The following LMNTD1 variants were observed in gnomAD, a reference collection of about 807,000 sequenced individuals.
LMNTD1 encodes the protein lamin tail domain-containing protein 1.
Under a neutral mutation model 50.9 loss-of-function variants are expected in LMNTD1, and 35 were observed. The ratio of observed to expected loss-of-function variants is 0.69; its 90% CI spans 0.53 to 0.91. The LOEUF is 0.91. Among genes scored for constraint, LMNTD1 ranks in the 40% least tolerant of loss-of-function variants. The pLI is 0.00. For missense variants in LMNTD1, 470 were observed against 475.5 expected, an observed-to-expected ratio of 0.99 and a Z score of 0.11; for synonymous variants, 153 against 161.9, an observed-to-expected ratio of 0.94 and a Z score of 0.42.
At chr12:25,640,536 G>T (rs1218171719) in intron 1 of LMNTD1, among the ~76,000 whole-genome samples, 1 of 151,746 alleles carries the variant, frequency 6.6e-6, no homozygotes, top group Non-Finnish European at 1.5e-5. Context: ...TTATATTGTG[G>T]TGATCACATA....
intron 1 of LMNTD1, among the ~76,000 whole-genome samples, chr12:25,630,360 T>C (rs1169312414): frequency 1.3e-5 from 2 of 152,032 alleles, no homozygotes; most frequent in African/African-American, 4.8e-5. Flanking sequence ...CAGAGCAGCA[T>C]GTGGAGGTTC....
At chr12:25,634,394 A>G (rs1344903865) in intron 1 of LMNTD1, among the ~76,000 whole-genome samples, 1 of 152,194 alleles carries the variant, frequency 6.6e-6, no homozygotes, top group African/African-American at 2.4e-5. Context: ...AAAGAAAACT[A>G]CAGACCGATA....
At chr12:25,576,010 G>A (rs984460523) in intron 1 of LMNTD1, among the ~76,000 whole-genome samples, 1 of 152,180 alleles carries the variant, frequency 6.6e-6, no homozygotes, top group Non-Finnish European at 1.5e-5. Context: ...TCCCTACAAA[G>A]GGCAGGAACT....
intron 8 of LMNTD1, among the ~76,000 whole-genome samples, chr12:25,505,494 T>C (rs1284067191): frequency 6.6e-6 from 1 of 152,206 alleles, no homozygotes; most frequent in East Asian, 1.9e-4. Flanking sequence ...GCACATAAAC[T>C]GTTCTTACTT....
intron 8 of LMNTD1, among the ~76,000 whole-genome samples, chr12:25,515,797 C>T (rs1940716644): frequency 6.6e-6 from 1 of 152,072 alleles, no homozygotes; most frequent in Admixed American, 6.6e-5. Context: ...CAGTTTAAAA[C>T]AAGGCAACCA....
chr12:25,557,917 C>G (rs774818089), upstream of LMNTD1, among the ~76,000 whole-genome samples: 2 of 152,184 alleles, frequency 1.3e-5, no homozygotes, highest in Non-Finnish European at 2.9e-5. Context: ...TATTGGAGAA[C>G]AATTTGAATT....
chr12:25,504,583 AAAT>A (rs1356665799), intron 8 of LMNTD1, among the ~76,000 whole-genome samples: 1 of 152,208 alleles, frequency 6.6e-6, no homozygotes, highest in Non-Finnish European at 1.5e-5. Flanking sequence ...GAAAAAAACA[AAAT>A]AAAACAGGAA....
At chr12:25,506,063 A>G (rs1158353014) in intron 8 of LMNTD1, among the ~76,000 whole-genome samples, 1 of 152,220 alleles carries the variant, frequency 6.6e-6, no homozygotes, top group Non-Finnish European at 1.5e-5. Flanking sequence ...TGGGAAAAAT[A>G]TACTTTGATC....
chr12:25,547,208 C>G, intron 3 of LMNTD1: 1 of 964,242 alleles, frequency 1.0e-6, no homozygotes, highest in Non-Finnish European at 1.2e-6. Context: ...ATAATATATC[C>G]GCAAAGGGGG....
intron 1 of LMNTD1, among the ~76,000 whole-genome samples, chr12:25,587,469 G>A (rs1280409761): frequency 6.6e-6 from 1 of 152,220 alleles, no homozygotes; most frequent in East Asian, 1.9e-4. Context: ...AGAGAGGTGG[G>A]AGGGTGCTAC....
chr12:25,593,800 T>TA lies in LMNTD1; in HGVS notation c.59-47247dup, dbSNP rs200768990. 5.0e-3 allele frequency among the ~76,000 whole-genome samples: 663 copies of TA among 132,288 alleles called. 2 individuals are homozygous for TA. Among genetic ancestry groups the TA allele is most frequent in the East Asian group, 0.028 (130 of 4,676 alleles). 86.8% of individuals were successfully genotyped at this position (132,288 alleles called of 152,430 possible). ...AAGTCAAAGCCCAATCTAAGGAAAT[T>TA]AAAAAAAAAAAAAAGAAAGATACAA... On this transcript the variant is annotated intron_variant, in intron 1 of 7. Coordinates refer to the LMNTD1 transcript ENST00000445693.
intron 8 of LMNTD1, among the ~76,000 whole-genome samples, chr12:25,510,298 T>C (rs911842970): frequency 3.3e-5 from 5 of 152,152 alleles, no homozygotes; most frequent in African/African-American, 1.2e-4. Context: ...CAGTTATATT[T>C]TTCCTCAATA....
At chr12:25,558,398 AG>A (rs1436172956) in intron 1 of LMNTD1, among the ~76,000 whole-genome samples, 1 of 152,166 alleles carries the variant, frequency 6.6e-6, no homozygotes, top group Non-Finnish European at 1.5e-5. Context: ...TTTTTGACGT[AG>A]GCACTTACAG....
At chr12:25,582,973 G>C (rs536232715) in intron 1 of LMNTD1, among the ~76,000 whole-genome samples, 154 of 151,616 alleles carry the variant, frequency 1.0e-3, no homozygotes, top group African/African-American at 3.6e-3. Flanking sequence ...TCAGCCTTCT[G>C]AGTAGCTGAG....
At chr12:25,506,256 G>A (rs1055359026) in intron 8 of LMNTD1, among the ~76,000 whole-genome samples, 6 of 152,140 alleles carry the variant, frequency 3.9e-5, no homozygotes, top group Admixed American at 3.9e-4. Flanking sequence ...TTCACAGTGT[G>A]GCTTTGCCAC....
At chr12:25,619,522 C>A (rs1007999178) in intron 1 of LMNTD1, among the ~76,000 whole-genome samples, 1 of 152,142 alleles carries the variant, frequency 6.6e-6, no homozygotes, top group Non-Finnish European at 1.5e-5. Context: ...GAGGCCTGGG[C>A]CCTCTTTTCT....
At chr12:25,560,103 A>G (rs1018946356) in intron 1 of LMNTD1, among the ~76,000 whole-genome samples, 2 of 152,212 alleles carry the variant, frequency 1.3e-5, no homozygotes, top group Non-Finnish European at 2.9e-5. Context: ...TGTTTTAGAC[A>G]TGAAGTCCTT....
intron 4 of LMNTD1, among the ~76,000 whole-genome samples, chr12:25,539,752 C>T (rs1335558789): frequency 3.9e-5 from 5 of 127,498 alleles, no homozygotes; most frequent in Non-Finnish European, 6.9e-5. Context: ...AATAGAGACA[C>T]AAAAAACCCT....
intron 1 of LMNTD1, among the ~76,000 whole-genome samples, chr12:25,575,931 A>G (rs1944998987): frequency 6.6e-6 from 1 of 152,172 alleles, no homozygotes; most frequent in Non-Finnish European, 1.5e-5. Flanking sequence ...ATGAGTGAGA[A>G]CATGGGGTGT....
Sources: allele counts gnomAD v4.1 joint callset (sites outside exome capture counted in the v4.1 genomes callset), GRCh38; gene constraint gnomAD v4.1.1; transcripts MANE v1.5; gene names NCBI Gene and HGNC (gene_info 2026-07-23, HGNC 2026-07-21).